Variants in CNTN4 observed in about 807,000 individuals in gnomAD.
CNTN4 encodes contactin-4.
Under a neutral mutation model 122.5 loss-of-function variants are expected in CNTN4, and 77 were observed. The ratio of observed to expected loss-of-function variants is 0.63; its 90% CI spans 0.52 to 0.76. The LOEUF is 0.76. Among genes scored for constraint, CNTN4 ranks in the 30% least tolerant of loss-of-function variants. The pLI is 0.00. For synonymous variants in CNTN4, 512 were observed against 447.0 expected, an observed-to-expected ratio of 1.15 and a Z score of -1.83; for missense variants, 1,256 against 1,259.1, an observed-to-expected ratio of 1.00 and a Z score of 0.04.
intron 4 of CNTN4, among the ~76,000 whole-genome samples, chr3:2,669,297 A>G (rs1183281337): frequency 6.6e-6 from 1 of 152,246 alleles, no homozygotes. Flanking sequence ...CAGAGATTCA[A>G]CTTCTTCCTG....
In CNTN4 at chr3:3,056,107, T is replaced by G. The variant is rs1401974141; in HGVS notation, c.2981-13T>G. The G allele has an allele frequency of 6.2e-7, 1 of 1,610,592 alleles. No homozygotes were observed. The highest frequency in any genetic ancestry group is 1.7e-5 in the Admixed American group (1 of 60,012). On this transcript the variant is annotated splice_polypyrimidine_tract_variant and intron_variant, in intron 24 of 24. Coordinates refer to ENST00000418658, the MANE Select transcript of CNTN4 (RefSeq NM_175607.3). ...ATGGGGCTGTTTTGAGTGAATTTGTTCTCTCTTTTCAGATGCCTACGCGAG... is the reference window on the plus strand; with the variant it reads ...ATGGGGCTGTTTTGAGTGAATTTGTGCTCTCTTTTCAGATGCCTACGCGAG...
In CNTN4 at chr3:2,815,189, T is replaced by A. The variant is rs1315102887; in HGVS notation, c.359-4297T>A. ...GACATTGGCTTAGGCAAGGATTTCA[T>A]GACCAAGAGAACCCAAAAGCAAATG... On this transcript the variant is annotated intron_variant, in intron 6 of 24. Transcript: ENST00000418658. Among the ~76,000 whole-genome samples, 4 of 152,206 alleles carry A rather than the reference T, an allele frequency of 2.6e-5. No homozygotes were observed. The East Asian group carries it at 7.7e-4, about 29-fold the overall frequency.
intron 4 of CNTN4, among the ~76,000 whole-genome samples, chr3:2,670,231 C>T (rs1244204285): frequency 6.6e-6 from 1 of 152,104 alleles, no homozygotes; most frequent in Non-Finnish European, 1.5e-5. Context: ...GAGTCTAAGT[C>T]CCTTTGTAGG....
At chr3:2,955,329 G>A (rs761958452) in intron 13 of CNTN4, among the ~76,000 whole-genome samples, 2 of 152,142 alleles carry the variant, frequency 1.3e-5, no homozygotes, top group East Asian at 1.9e-4. Context: ...ACAGTAAATC[G>A]TAATTGCATG....
At chr3:2,731,022 T>G (rs2088637727) in intron 4 of CNTN4, among the ~76,000 whole-genome samples, 1 of 152,006 alleles carries the variant, frequency 6.6e-6, no homozygotes, top group Admixed American at 6.5e-5. Context: ...AGGGTTTTTT[T>G]TTTTAAGTCA....
chr3:2,883,474 A>T (rs1181708357), intron 9 of CNTN4, among the ~76,000 whole-genome samples: 1 of 152,192 alleles, frequency 6.6e-6, no homozygotes, highest in Non-Finnish European at 1.5e-5. Context: ...ACCACAAAGG[A>T]AAGGAGAATG....
intron 3 of CNTN4, among the ~76,000 whole-genome samples, chr3:2,471,828 C>T (rs902258653): frequency 1.3e-5 from 2 of 152,166 alleles, no homozygotes; most frequent in African/African-American, 4.8e-5. Flanking sequence ...AATCATGGGT[C>T]TTAGCTTCTG....
intron 2 of CNTN4, among the ~76,000 whole-genome samples, chr3:2,335,229 A>C (rs1055028918): frequency 6.6e-6 from 1 of 152,128 alleles, no homozygotes; most frequent in African/African-American, 2.4e-5. Flanking sequence ...AGTTTATAAT[A>C]AAAACTTTAA....
At chr3:2,220,485 GTA>G (rs2039019804) in intron 2 of CNTN4, among the ~76,000 whole-genome samples, 1 of 152,028 alleles carries the variant, frequency 6.6e-6, no homozygotes, top group African/African-American at 2.4e-5. Context: ...TCAAATATTT[GTA>G]TCTGTCTACT....
At chr3:2,961,355 T>C (rs1002934537) in intron 13 of CNTN4, among the ~76,000 whole-genome samples, 2 of 151,966 alleles carry the variant, frequency 1.3e-5, no homozygotes, top group East Asian at 1.9e-4. Flanking sequence ...AAAAGTCTTG[T>C]TATTTTAAGC....
Position 2,750,355 on chromosome 3 carries a change from A to G in CNTN4, c.358+4658A>G, listed in dbSNP as rs531399687. On this transcript the variant is annotated intron_variant, in intron 6 of 24. Transcript: ENST00000418658. ...ACATTATTTCTATTGATTATTAAAA[A>G]TGTTTTCATGCTGCTTTTGTGCACA... Among the ~76,000 whole-genome samples the G allele has an allele frequency of 4.6e-5, 7 of 152,348 alleles. No homozygotes were observed. The East Asian group carries it at 1.2e-3, about 25-fold the overall frequency.
In CNTN4 at chr3:2,910,709, T is replaced by G. The variant is rs2094290313; in HGVS notation, c.1207+7704T>G. 2.6e-5 allele frequency among the ~76,000 whole-genome samples: 4 copies of G among 152,196 alleles called. No homozygotes were observed. In the South Asian group the frequency reaches 8.3e-4, roughly 31 times the overall value. ...TTGAATTTGTGAATGAATAAATAAA[T>G]GAAGTAACTATTTTTCCCCCTCCAC... On this transcript the variant is annotated intron_variant, in intron 12 of 24. Transcript: ENST00000418658.
chr3:2,617,256 A>G (rs1219624840), intron 4 of CNTN4, among the ~76,000 whole-genome samples: 1 of 152,162 alleles, frequency 6.6e-6, no homozygotes, highest in East Asian at 1.9e-4. Flanking sequence ...ACAAAGGCCT[A>G]ATATTCAGCA....
intron 2 of CNTN4, among the ~76,000 whole-genome samples, chr3:2,211,974 C>T (rs914032259): frequency 2.0e-5 from 3 of 152,098 alleles, no homozygotes; most frequent in African/African-American, 7.2e-5. Context: ...GTTCCTTTCT[C>T]TTTCTTTTTT....
intron 2 of CNTN4, among the ~76,000 whole-genome samples, chr3:2,116,085 C>G (rs563024368): frequency 6.6e-6 from 1 of 152,280 alleles, no homozygotes; most frequent in South Asian, 2.1e-4. Flanking sequence ...GGACCCCAAT[C>G]CTGATGATCT....
chr3:2,956,730 C>A (rs1322666991), intron 13 of CNTN4, among the ~76,000 whole-genome samples: 5 of 151,988 alleles, frequency 3.3e-5, no homozygotes, highest in Non-Finnish European at 7.4e-5. Context: ...GTACATTAGA[C>A]CCCCGGAATT....
At chr3:2,607,521 A>C (rs1372854983) in intron 4 of CNTN4, among the ~76,000 whole-genome samples, 5 of 151,830 alleles carry the variant, frequency 3.3e-5, no homozygotes, top group Non-Finnish European at 5.9e-5. Flanking sequence ...GAAAATAAAA[A>C]ATTTCAAAAG....
At chr3:2,375,300 A>G (rs1241088277) in intron 3 of CNTN4, among the ~76,000 whole-genome samples, 1 of 152,222 alleles carries the variant, frequency 6.6e-6, no homozygotes, top group Non-Finnish European at 1.5e-5. Context: ...CCAAAGTGTC[A>G]TGCTGTTTGT....
intron 9 of CNTN4, among the ~76,000 whole-genome samples, 165 bp downstream of exon 9, chr3:2,883,412 G>C (rs891294100): frequency 2.6e-5 from 4 of 152,160 alleles, no homozygotes; most frequent in Admixed American, 6.5e-5. Flanking sequence ...CCTCACCATG[G>C]AGAGAGGACA....
Sources: gnomAD v4.1 joint callset for allele counts (sites outside exome capture counted in the v4.1 genomes callset) on GRCh38, gnomAD v4.1.1 for gene constraint, MANE v1.5 for transcripts, NCBI Gene and HGNC (gene_info 2026-07-23, HGNC 2026-07-21) for gene names.